The following TP53I13 variants were observed in gnomAD, a reference collection of about 807,000 sequenced individuals.
TP53I13 encodes the protein tumor protein p53 inducible protein 13.
TP53I13 carries 27 observed loss-of-function variants against 39.1 expected under a neutral mutation model. The ratio of observed to expected loss-of-function variants is 0.69; its 90% CI spans 0.51 to 0.95. The LOEUF is 0.95. TP53I13 is among the 40% of genes least tolerant of loss of function. TP53I13 has a pLI of 0.00. For missense variants in TP53I13, 544 were observed against 520.4 expected (o/e 1.05, Z -0.44); for synonymous variants, 230 against 224.6 (o/e 1.02, Z -0.22).
Position 29,572,887 on chromosome 17 carries a change from C to T in TP53I13, c.1145C>T (p.Thr382Met), listed in dbSNP as rs2033017790. ...CGCCGGAGACCCCTCCTCCCGCCCA[C>T]GCCGGACAGCGGCCCGGAAGGCGAG... ...RSRRRPLLPPTPDSGPEGESS... is the reference protein window; with the variant it reads ...RSRRRPLLPPMPDSGPEGESS... The change falls in exon 7 of 7, where the codon ACG (threonine) becomes ATG (methionine). Residue 382 changes from threonine to methionine, a missense_variant. Thr to Met is a moderately conservative substitution (Grantham distance 81). Transcript: ENST00000301057. 1 of 1,514,010 alleles carries T rather than the reference C, an allele frequency of 6.6e-7. No individual in the cohort carries two copies. The highest frequency in any genetic ancestry group is 8.8e-7 in the Non-Finnish European group (1 of 1,138,488). The allele number at this position is 1,514,010 out of a possible 1,614,324, so 93.8% of individuals were successfully genotyped here.
chr17:29,577,746 T>C (rs372464082), downstream of TP53I13: 33 of 1,586,666 alleles, frequency 2.1e-5, no homozygotes, highest in African/African-American at 2.7e-5. Flanking sequence ...AGCCACACTG[T>C]AGGGGACGGA....
At chr17:29,567,181 A>G (rs1254320974), upstream of TP53I13, 4 of 204,068 alleles carry the variant, frequency 2.0e-5, no homozygotes, top group East Asian at 3.1e-4. This position sits in a 1 kb window ranked among gnomAD's most constrained non-coding sequence, Gnocchi z 6.6. Context: ...TTGTACAGCA[A>G]TTGCAACAAG....
upstream of TP53I13, chr17:29,568,677 G>C: frequency 3.2e-6 from 3 of 937,204 alleles, no homozygotes; most frequent in Non-Finnish European, 3.8e-6. The surrounding 1 kb of genome is among the most constrained non-coding windows in gnomAD (Gnocchi z 4.5). Context: ...GCGCGGGGGC[G>C]CTGGGGCTGG....
downstream of TP53I13, chr17:29,577,101 C>T (rs1006570954): frequency 2.4e-5 from 38 of 1,608,422 alleles, no homozygotes; most frequent in Non-Finnish European, 3.1e-5. Context: ...TGGAGCCCCG[C>T]CTGCTTCCCA....
At chr17:29,567,045 C>T, upstream of TP53I13, 1 of 1,166,330 alleles carries the variant, frequency 8.6e-7, no homozygotes, top group Non-Finnish European at 1.1e-6. The surrounding 1 kb of genome is among the most constrained non-coding windows in gnomAD (Gnocchi z 6.6). Flanking sequence ...CCCGCGGCTC[C>T]GCCCGCCGGC....
downstream of TP53I13, chr17:29,577,575 C>G: frequency 1.0e-6 from 1 of 1,003,828 alleles, no homozygotes; most frequent in Non-Finnish European, 1.6e-6. Flanking sequence ...AGGCCCCAGC[C>G]CACTGCCGGA....
chr17:29,578,018 G>C (rs536316829), downstream of TP53I13, among the ~76,000 whole-genome samples: 4 of 152,240 alleles, frequency 2.6e-5, no homozygotes, highest in African/African-American at 4.8e-5. Flanking sequence ...AGTGATGCAG[G>C]GGGGTGGAGC....
At chr17:29,582,125 C>T in the TP53I13 span, 9 of 1,584,394 alleles carry the variant, frequency 5.7e-6, no homozygotes, top group South Asian at 1.1e-5. Context: ...GTTGCCTGTC[C>T]GCACGCTCGA....
chr17:29,567,000 G>T, upstream of TP53I13: 1 of 1,276,432 alleles, frequency 7.8e-7, no homozygotes, highest in Non-Finnish European at 9.8e-7. Flanking sequence ...GGCAGCGGGC[G>T]GCGGGGCCGT....
chr17:29,572,794 T>C lies in TP53I13; in HGVS notation c.1070-18T>C, dbSNP rs1176465882. 6.8e-7 allele frequency: 1 copy of C among 1,468,292 alleles called. No homozygotes were observed. Among genetic ancestry groups the C allele is most frequent in the Non-Finnish European group, 9.1e-7 (1 of 1,094,248 alleles). The allele number at this position is 1,468,292 out of a possible 1,614,324, so 91.0% of individuals were successfully genotyped here. A position where few individuals can be genotyped will look rare whatever the true frequency, so the allele number is the denominator to read the frequency against. On this transcript the variant is annotated intron_variant, in intron 6 of 6. Coordinates refer to ENST00000301057, the MANE Select transcript of TP53I13 (RefSeq NM_138349.4). ...TCCCTGCCCTCCCGCCCTTGACTGCTCGGCGCCCGGCCCACAGCTGTGCTG... is the reference window on the plus strand; with the variant it reads ...TCCCTGCCCTCCCGCCCTTGACTGCCCGGCGCCCGGCCCACAGCTGTGCTG...
At chr17:29,570,032 C>T (rs1374437457) in intron 3 of TP53I13, 1 of 151,806 alleles carries the variant, frequency 6.6e-6, no homozygotes, top group Non-Finnish European at 1.5e-5. Flanking sequence ...CACAGCCTCC[C>T]GAGCAGCTGG....
Position 29,572,615 on chromosome 17 carries a change from C to G in TP53I13, c.987C>G (p.Leu329=), listed in dbSNP as rs1252745850. 3.1e-6 allele frequency: 5 copies of G among 1,588,548 alleles called. No homozygotes were observed. The South Asian group carries it at 4.5e-5, about 14-fold the overall frequency. Residue 329 remains leucine, a synonymous_variant, in exon 6 of 7, where the codon CTC becomes CTG. Transcript: ENST00000301057. ...TGGTGCTGCTCACCCTGGCCACGCT[C>G]TGCACACGGCTGCACAGAAACTTCC... ...FLLVLLTLAT[L]CTRLHRNFRR...
chr17:29,567,085 C>T (rs1268600934), upstream of TP53I13: 6 of 911,732 alleles, frequency 6.6e-6, no homozygotes, highest in Non-Finnish European at 6.8e-6. This position sits in a 1 kb window ranked among gnomAD's most constrained non-coding sequence, Gnocchi z 6.6. Context: ...CCCGCGCGGG[C>T]GCGCTCTGGA....
At chr17:29,580,004 T>G in the TP53I13 span, among the ~76,000 whole-genome samples, 1 of 152,128 alleles carries the variant, frequency 6.6e-6, no homozygotes, top group Non-Finnish European at 1.5e-5. Context: ...GTTCCCTGCC[T>G]CCCATGCTGT....
upstream of TP53I13, chr17:29,566,488 A>C: frequency 1.2e-6 from 2 of 1,611,978 alleles, no homozygotes; most frequent in Non-Finnish European, 1.7e-6. Flanking sequence ...GATCACCAGA[A>C]GCACCGCAGG....
At chr17:29,581,640 C>A in the TP53I13 span, 4 of 882,288 alleles carry the variant, frequency 4.5e-6, no homozygotes, top group African/African-American at 5.0e-5. This position sits in a 1 kb window ranked among gnomAD's most constrained non-coding sequence, Gnocchi z 4.8. Context: ...TGCTCCCCAG[C>A]CGCTCTGTCA....
At chr17:29,570,156 C>G (rs937632042) in intron 3 of TP53I13, among the ~76,000 whole-genome samples, 10 of 147,042 alleles carry the variant, frequency 6.8e-5, no homozygotes, top group Non-Finnish European at 1.5e-4. Context: ...ATCTGCCTGC[C>G]TCAGCCTCCC....
At chr17:29,577,387 A>G (rs1280339260), downstream of TP53I13, 3 of 731,200 alleles carry the variant, frequency 4.1e-6, no homozygotes, top group Non-Finnish European at 6.9e-6. Context: ...TCACCTGGCT[A>G]GTCAGCAGCC....
downstream of TP53I13, chr17:29,576,636 C>T (rs1269542316): frequency 3.1e-6 from 5 of 1,614,000 alleles, no homozygotes; most frequent in East Asian, 4.5e-5. Flanking sequence ...ACTCCTGCAG[C>T]GTCACAGCCC....
Sources: allele counts gnomAD v4.1 joint callset (sites outside exome capture counted in the v4.1 genomes callset), GRCh38; gene constraint gnomAD v4.1.1; non-coding constraint Gnocchi (gnomAD v3.1); transcripts MANE v1.5; gene names NCBI Gene and HGNC (gene_info 2026-07-23, HGNC 2026-07-21).